DOC2B: variants seen among roughly 807,000 people sequenced by gnomAD.
DOC2B encodes the protein double C2-like domain-containing protein beta.
DOC2B carries 21 observed loss-of-function variants against 28.9 expected under a neutral mutation model. The observed-to-expected ratio is 0.73, with a 90% CI of 0.52 to 1.05. The LOEUF is 1.05. Among genes scored for constraint, DOC2B ranks in the 50% least tolerant of loss-of-function variants. The probability of loss-of-function intolerance (pLI) is 0.00; values close to 1 mark genes in which losing one functional copy is unlikely to be tolerated. For synonymous variants in DOC2B, 194 were observed against 178.1 expected (o/e 1.09, Z -0.71); for missense variants, 384 against 421.1 (o/e 0.91, Z 0.77).
intron 2 of DOC2B, among the ~76,000 whole-genome samples, chr17:169,465 TG>T (rs1375683058): frequency 6.6e-6 from 1 of 151,766 alleles, no homozygotes; most frequent in African/African-American, 2.4e-5. Context: ...TTAGCACAAC[TG>T]AACTGTACGC....
intron 2 of DOC2B, 47 bp downstream of exon 2, chr17:172,490 T>G: frequency 6.6e-7 from 1 of 1,508,928 alleles, no homozygotes; most frequent in Non-Finnish European, 9.0e-7. Flanking sequence ...TAGGCCCTCT[T>G]GAGGACCCCG....
In DOC2B at chr17:143,568, G is replaced by C. The variant is rs1279840239; in HGVS notation, c.*3873C>G. 6.6e-6 allele frequency: 1 copy of C among 152,032 alleles called. No homozygotes were observed. The highest frequency in any genetic ancestry group is 2.1e-4 in the South Asian group (1 of 4,814). 9.4% of individuals were successfully genotyped at this position (152,032 alleles called of 1,614,324 possible). A position where few individuals can be genotyped will look rare whatever the true frequency, so the allele number is the denominator to read the frequency against. ...TCTCCATGTTGACCAGGCTGGTCTC[G>C]AACTCCAGGCCTCAAGCAATTCTCC... On this transcript the variant is annotated 3_prime_UTR_variant, in exon 9 of 9. Transcript: ENST00000613549.
chr17:161,474 T>C lies in DOC2B; in HGVS notation c.706A>G (p.Lys236Glu). ...EFIGETRVPLKKLKPNHTKTF... is the reference protein window; with the variant it reads ...EFIGETRVPLEKLKPNHTKTF... ...TTGGTGTGGTTGGGTTTCAGCTTCT[T>C]CAGGGGCACACGTGTCTCCCCGATG... is the stretch of plus-strand genomic sequence containing the variant. Residue 236 changes from lysine (K) to glutamate (E), a missense_variant, in exon 5 of 9, where the codon AAG becomes GAG. Lys to Glu is a moderately conservative substitution (Grantham distance 56). Transcript: ENST00000613549. 6.4e-7 allele frequency: 1 copy of C among 1,551,720 alleles called. No individual in the cohort carries two copies. Among genetic ancestry groups the C allele is most frequent in the Non-Finnish European group, 8.7e-7 (1 of 1,146,994 alleles).
chr17:172,147 C>T (rs370106042), intron 2 of DOC2B, among the ~76,000 whole-genome samples: 4 of 151,988 alleles, frequency 2.6e-5, no homozygotes, highest in South Asian at 4.1e-4. Flanking sequence ...TGCAAAGTGG[C>T]GTCCCCACTC....
At chr17:155,628 G>T (rs1232948708) in intron 6 of DOC2B, among the ~76,000 whole-genome samples, 2 of 152,264 alleles carry the variant, frequency 1.3e-5, no homozygotes, top group South Asian at 2.1e-4. Context: ...CCAAAGGGTC[G>T]CCAGCTCCTG....
chr17:176,059 T>C (rs2151476379), intron 1 of DOC2B, among the ~76,000 whole-genome samples: 1 of 152,296 alleles, frequency 6.6e-6, no homozygotes, highest in East Asian at 1.9e-4. Context: ...GCCCAAACTC[T>C]TCATTTCCCT....
chr17:174,808 T>C (rs533512096), intron 1 of DOC2B, among the ~76,000 whole-genome samples: 5 of 152,340 alleles, frequency 3.3e-5, no homozygotes, highest in South Asian at 4.1e-4. Context: ...GTTGGAAGTG[T>C]GTGCAAACTA....
chr17:161,962 G>T lies in DOC2B; in HGVS notation c.638+119C>A, dbSNP rs146134265. The T allele has an allele frequency of 7.5e-4, 545 of 722,148 alleles. 3 individuals carry two copies. In the African/African-American group the frequency reaches 8.6e-3, roughly 11 times the overall value. 44.7% of individuals were successfully genotyped at this position (722,148 alleles called of 1,614,324 possible). A position where few individuals can be genotyped will look rare whatever the true frequency, so the allele number is the denominator to read the frequency against. ...TTCTTCAAGCCCCCAAGCTGGAGTTGCTGGCATGAGGTTGAACCCACAGGG... is the reference window on the plus strand; with the variant it reads ...TTCTTCAAGCCCCCAAGCTGGAGTTTCTGGCATGAGGTTGAACCCACAGGG... On this transcript the variant is annotated intron_variant, in intron 4 of 8. Transcript: ENST00000613549.
chr17:143,900 G>A lies in DOC2B; in HGVS notation c.*3541C>T, dbSNP rs2040000699. 1 of 152,238 alleles carries A rather than the reference G, an allele frequency of 6.6e-6. No homozygotes were observed. The highest frequency in any genetic ancestry group is 1.5e-5 in the Non-Finnish European group (1 of 68,050). 9.4% of individuals were successfully genotyped at this position (152,238 alleles called of 1,614,324 possible). A position where few individuals can be genotyped will look rare whatever the true frequency, so the allele number is the denominator to read the frequency against. ...AGAGTCTGCGTCGACGACAGCCAGA[G>A]TCCATGCATCGGGAGGTTCACTCGG... On this transcript the variant is annotated 3_prime_UTR_variant, in exon 9 of 9. Transcript: ENST00000613549.
chr17:158,856 C>T (rs769415810), intron 5 of DOC2B, among the ~76,000 whole-genome samples: 2 of 151,990 alleles, frequency 1.3e-5, no homozygotes, highest in Non-Finnish European at 2.9e-5. Flanking sequence ...ACCAGCCTGG[C>T]CAACATGGTG....
Position 181,283 on chromosome 17 carries a change from C to G in DOC2B, c.197G>C (p.Gly66Ala). ...PDAPARPAVA[G>A]AGRRSPSDGA... ...GTCGGAGGGGCTGCGGCGGCCGGCA[C>G]CGGCCACAGCCGGGCGCGCGGGGGC... is the stretch of plus-strand genomic sequence containing the variant. Residue 66 changes from glycine to alanine, a missense_variant, in exon 1 of 9, where the codon GGT becomes GCT. Coordinates refer to ENST00000613549, the MANE Select transcript of DOC2B (RefSeq NM_003585.5). This position sits in a 1 kb window ranked among gnomAD's most constrained non-coding sequence, Gnocchi z 7.0. 3.3e-6 allele frequency: 4 copies of G among 1,197,336 alleles called. No individual in the cohort carries two copies. Among genetic ancestry groups the G allele is most frequent in the Non-Finnish European group, 4.1e-6 (4 of 966,348 alleles). 74.2% of individuals were successfully genotyped at this position (1,197,336 alleles called of 1,614,324 possible).
rs927024681 is a variant in DOC2B at position 149,134 on chromosome 17, T to A, written c.982A>T (p.Thr328Ser). The A allele has an allele frequency of 2.2e-4, 88 of 399,448 alleles. No homozygotes were observed. The highest frequency in any genetic ancestry group is 3.4e-4 in the Non-Finnish European group (76 of 226,224). The allele number at this position is 399,448 out of a possible 1,614,324, so 24.7% of individuals were successfully genotyped here. ...SKHKTAVKKK[T>S]LNPEFNEEFC... is the part of the protein sequence containing the mutation. ...ACCTCATTAAACTCCGGGTTCAGGG[T>A]TTTTTTCTTCACCGCTGTCTTATGT... is the stretch of plus-strand genomic sequence containing the variant. The change falls in exon 7 of 9, where the codon ACC (threonine) becomes TCC (serine). Residue 328 changes from threonine (T) to serine (S), a missense_variant. By Grantham distance (58) the Thr-to-Ser change is moderately conservative. Coordinates refer to ENST00000613549, the MANE Select transcript of DOC2B (RefSeq NM_003585.5).
In DOC2B at chr17:164,113, T is replaced by G; in HGVS notation, c.528+17A>C. On this transcript the variant is annotated intron_variant, in intron 3 of 8. Transcript: ENST00000613549. ...GGCGGGTGCAGCTGGTGGGCAGGCCTGGGTGGAACCCCTCACCTTACTGGC... is the reference window on the plus strand; with the variant it reads ...GGCGGGTGCAGCTGGTGGGCAGGCCGGGGTGGAACCCCTCACCTTACTGGC... 1 of 1,544,338 alleles carries G rather than the reference T, an allele frequency of 6.5e-7. No homozygotes were observed. Among genetic ancestry groups the G allele is most frequent in the Admixed American group, 2.0e-5 (1 of 50,970 alleles).
chr17:162,747 AC>A (rs1354149944), intron 3 of DOC2B, among the ~76,000 whole-genome samples: 1 of 152,172 alleles, frequency 6.6e-6, no homozygotes, highest in Non-Finnish European at 1.5e-5. Context: ...GGAGGACCCC[AC>A]CTCCAGCCCG....
chr17:179,052 C>G (rs1057316151), intron 1 of DOC2B, among the ~76,000 whole-genome samples: 1 of 152,210 alleles, frequency 6.6e-6, no homozygotes, highest in Non-Finnish European at 1.5e-5. Flanking sequence ...AGGGTGGGGC[C>G]CCCCTCGAAG....
At chr17:180,151 A>G (rs986598672) in intron 1 of DOC2B, among the ~76,000 whole-genome samples, 1 of 152,230 alleles carries the variant, frequency 6.6e-6, no homozygotes, top group Admixed American at 6.5e-5. Context: ...CTCAGTGACA[A>G]GTCTGGAGCC....
chr17:173,761 G>C (rs933329643), intron 1 of DOC2B, among the ~76,000 whole-genome samples: 1 of 152,146 alleles, frequency 6.6e-6, no homozygotes, highest in Non-Finnish European at 1.5e-5. Context: ...GGGAGGTGAC[G>C]ATTCCAACCA....
At chr17:160,933 T>A (rs999214024) in intron 5 of DOC2B, among the ~76,000 whole-genome samples, 2 of 152,098 alleles carry the variant, frequency 1.3e-5, no homozygotes, top group Non-Finnish European at 2.9e-5. Context: ...CCACCCGTGG[T>A]CCCTGCTGAG....
chr17:173,131 C>G (rs1003879369), intron 1 of DOC2B, among the ~76,000 whole-genome samples: 1 of 152,218 alleles, frequency 6.6e-6, no homozygotes, highest in African/African-American at 2.4e-5. Flanking sequence ...GTTGGGAACC[C>G]CGAGCAGGCC....
Sources: allele counts gnomAD v4.1 joint callset (sites outside exome capture counted in the v4.1 genomes callset), GRCh38; gene constraint gnomAD v4.1.1; non-coding constraint Gnocchi (gnomAD v3.1); transcripts MANE v1.5; gene names NCBI Gene and HGNC (gene_info 2026-07-23, HGNC 2026-07-21).